The following DCAF4 variants were observed in gnomAD, a reference collection of about 807,000 sequenced individuals.
DCAF4 encodes DDB1 and CUL4 associated factor 4.
DCAF4 carries 37 observed loss-of-function variants against 60.9 expected under a neutral mutation model. The ratio of observed to expected loss-of-function variants is 0.61; its 90% CI spans 0.47 to 0.80. The LOEUF is 0.80. DCAF4 is among the 30% of genes least tolerant of loss of function. The pLI is 0.00. For missense variants in DCAF4, 577 were observed against 650.0 expected, an observed-to-expected ratio of 0.89 and a Z score of 1.22; for synonymous variants, 243 against 254.8, an observed-to-expected ratio of 0.95 and a Z score of 0.44.
At chr14:72,952,535 T>C (rs946442256) in intron 9 of DCAF4, among the ~76,000 whole-genome samples, 13 of 152,134 alleles carry the variant, frequency 8.5e-5, no homozygotes, top group Non-Finnish European at 4.4e-5. Flanking sequence ...ATTTTACAGA[T>C]AAGGAAACTG....
intron 8 of DCAF4, among the ~76,000 whole-genome samples, chr14:72,951,545 A>AGGTTGC (rs966167121): frequency 6.6e-6 from 1 of 152,146 alleles, no homozygotes; most frequent in Non-Finnish European, 1.5e-5. Context: ...TGGGAGGCAG[A>AGGTTGC]GGTTGCGGTA....
intron 9 of DCAF4, among the ~76,000 whole-genome samples, chr14:72,953,781 TTTGTG>T (rs1891878590): frequency 5.3e-5 from 1 of 18,932 alleles, no homozygotes; most frequent in African/African-American, 1.4e-4. Context: ...TATTTATTTA[TTTGTG>T]TGTGTGTGTG....
At chr14:72,961,850 G>A, downstream of DCAF4, 1 of 1,077,296 alleles carries the variant, frequency 9.3e-7, no homozygotes, top group Middle Eastern at 2.7e-4. Flanking sequence ...TTGCCCCCAA[G>A]GGCATCCTCT....
At chr14:72,957,119 G>A (rs11158999) in intron 13 of DCAF4, 33,954 of 153,252 alleles carry the variant, frequency 0.22, 4,365 homozygotes, top group East Asian at 0.48. Flanking sequence ...GTCAGAAGCA[G>A]GAGAATTGCT....
intron 1 of DCAF4, among the ~76,000 whole-genome samples, chr14:72,928,585 T>TTTTATATATATA (rs1283241933): frequency 6.3e-5 from 1 of 15,938 alleles, no homozygotes; most frequent in African/African-American, 9.4e-5. Context: ...TAAACATCCT[T>TTTTATATATATA]TATATATATA....
Position 72,958,750 on chromosome 14 carries a change from C to T in DCAF4, c.1433C>T (p.Ala478Val), listed in dbSNP as rs1221331475. The T allele has an allele frequency of 1.1e-5, 18 of 1,609,870 alleles. No individual in the cohort carries two copies. Among genetic ancestry groups the T allele is most frequent in the South Asian group, 7.7e-5 (7 of 90,424 alleles). ...FSSRLGGSRG[A>V]PGLLMAVGQD... is the part of the protein sequence containing the mutation. ...TCGCGGCTGGGGGGCTCCCGGGGCGCGCCGGGGCTGCTCATGGCTGTCGGG... is the reference window on the plus strand; with the variant it reads ...TCGCGGCTGGGGGGCTCCCGGGGCGTGCCGGGGCTGCTCATGGCTGTCGGG... Residue 478 changes from alanine (A) to valine (V), a missense_variant, in exon 14 of 14, where the codon GCG becomes GTG. By Grantham distance (64) the Ala-to-Val change is moderately conservative (BLOSUM62 0). Transcript: ENST00000358377.
intron 1 of DCAF4, among the ~76,000 whole-genome samples, chr14:72,929,127 C>A (rs192461307): frequency 6.6e-6 from 1 of 152,100 alleles, no homozygotes; most frequent in East Asian, 1.9e-4. Context: ...CCCCCCACCC[C>A]GCCCGGCCTC....
rs761779574 is a variant in DCAF4 at position 72,945,929 on chromosome 14, G to A, written c.580G>A (p.Val194Ile). 3.7e-6 allele frequency: 6 copies of A among 1,614,188 alleles called. No individual in the cohort carries two copies. Among genetic ancestry groups the A allele is most frequent in the South Asian group, 2.2e-5 (2 of 91,078 alleles). Residue 194 changes from valine to isoleucine, a missense_variant, in exon 7 of 14, where the codon GTT becomes ATT. Coordinates refer to ENST00000358377, the MANE Select transcript of DCAF4 (RefSeq NM_015604.4). ...GCTCTTCACAGTGAACGATGTTAAA[G>A]TTGGAGGCTCCAAGTATGGTATCAT... ...DRLFTVNDVK[V>I]GGSKYGIINL...
intron 5 of DCAF4, 148 bp from the exon 6 acceptor site, chr14:72,942,846 T>A (rs1054726380): frequency 1.5e-6 from 1 of 659,300 alleles, no homozygotes; most frequent in South Asian, 1.9e-5. Context: ...TAATCTGGGA[T>A]CTTGCTCAGC....
intron 8 of DCAF4, among the ~76,000 whole-genome samples, chr14:72,950,833 TTTGTG>T (rs1250722427): frequency 9.2e-5 from 14 of 152,116 alleles, no homozygotes; most frequent in Admixed American, 2.6e-4. Flanking sequence ...CAAAAGCTGC[TTTGTG>T]TTATTTATTG....
chr14:72,947,676 G>A (rs1324955986), intron 8 of DCAF4, among the ~76,000 whole-genome samples: 2 of 152,252 alleles, frequency 1.3e-5, no homozygotes, highest in Non-Finnish European at 2.9e-5. Flanking sequence ...GAGGAAAACA[G>A]TGGTCAGGAG....
chr14:72,928,391 A>C (rs1451402714), intron 1 of DCAF4, among the ~76,000 whole-genome samples: 1 of 147,304 alleles, frequency 6.8e-6, no homozygotes, highest in Admixed American at 6.8e-5. Flanking sequence ...ACAGGTTTTC[A>C]CCATGTTGGC....
chr14:72,929,861 G>T, intron 1 of DCAF4: 1 of 1,476,752 alleles, frequency 6.8e-7, no homozygotes. Context: ...CTGTGCCTGG[G>T]CTTGCTCACG....
chr14:72,939,720 G>A, intron 2 of DCAF4, 82 bp from the exon 3 acceptor site: 1 of 1,222,440 alleles, frequency 8.2e-7, no homozygotes, highest in Non-Finnish European at 1.1e-6. Context: ...CTGCAGAACT[G>A]CCCGAATGGA....
At chr14:72,938,438 C>G (rs957607499) in intron 2 of DCAF4, among the ~76,000 whole-genome samples, 1 of 152,192 alleles carries the variant, frequency 6.6e-6, no homozygotes, top group African/African-American at 2.4e-5. Context: ...TTTGTGGAAA[C>G]CAAATTTTAT....
chr14:72,958,707 C>T lies in DCAF4; in HGVS notation c.1390C>T (p.Pro464Ser), dbSNP rs900257112. The T allele has an allele frequency of 3.7e-5, 59 of 1,614,106 alleles. No homozygotes were observed. The highest frequency in any genetic ancestry group is 5.0e-5 in the Non-Finnish European group (59 of 1,179,998). ...SPYPASKADI[P>S]SVAFSSRLGG... ...GTACCCTGCCTCCAAGGCCGACATT[C>T]CCAGTGTGGCCTTCTCGTCGCGGCT... The change falls in exon 14 of 14, where the codon CCC becomes TCC. Residue 464 changes from proline (P) to serine (S), a missense_variant. By Grantham distance (74) the Pro-to-Ser change is moderately conservative (BLOSUM62 -1). Coordinates refer to ENST00000358377, the MANE Select transcript of DCAF4 (RefSeq NM_015604.4).
intron 1 of DCAF4, among the ~76,000 whole-genome samples, chr14:72,930,181 C>G (rs1050632213): frequency 6.6e-6 from 1 of 151,742 alleles, no homozygotes; most frequent in Non-Finnish European, 1.5e-5. Flanking sequence ...TGATTTGCAT[C>G]TACCTAAGGA....
intron 1 of DCAF4, among the ~76,000 whole-genome samples, chr14:72,928,409 G>A (rs1476448575): frequency 1.3e-5 from 2 of 149,024 alleles, no homozygotes; most frequent in Non-Finnish European, 3.0e-5. Flanking sequence ...GGCCAGGATG[G>A]TCTCACATAT....
chr14:72,951,787 G>C lies in DCAF4; in HGVS notation c.729-11G>C. 6.2e-7 allele frequency: 1 copy of C among 1,614,084 alleles called. No individual in the cohort carries two copies. The highest frequency in any genetic ancestry group is 8.5e-7 in the Non-Finnish European group (1 of 1,179,984). ...GCCTTGTGCCTAACTGTCCTTAACAGCTTTTTCCAGGCTATGCCTCATGGG... is the reference window on the plus strand; with the variant it reads ...GCCTTGTGCCTAACTGTCCTTAACACCTTTTTCCAGGCTATGCCTCATGGG... On this transcript the variant is annotated splice_polypyrimidine_tract_variant and intron_variant, in intron 8 of 13. Transcript: ENST00000358377.
Sources: allele counts gnomAD v4.1 joint callset (sites outside exome capture counted in the v4.1 genomes callset), GRCh38; gene constraint gnomAD v4.1.1; transcripts MANE v1.5; gene names NCBI Gene and HGNC (gene_info 2026-07-23, HGNC 2026-07-21).